Variants in CSGALNACT1 observed in about 807,000 individuals in gnomAD.
The protein encoded by CSGALNACT1 is chondroitin sulfate N-acetylgalactosaminyltransferase 1.
CSGALNACT1 carries 52 observed loss-of-function variants against 51.0 expected under a neutral mutation model. The observed-to-expected ratio is 1.02, with a 90% CI of 0.82 to 1.29. The LOEUF is 1.29. Ranked by LOEUF, CSGALNACT1 falls within the 50% of genes most tolerant of loss-of-function variation. CSGALNACT1 has a pLI of 0.00. For synonymous variants in CSGALNACT1, 341 were observed against 254.4 expected, an observed-to-expected ratio of 1.34 and a Z score of -3.24; for missense variants, 935 against 679.2, an observed-to-expected ratio of 1.38 and a Z score of -4.19.
intron 4 of CSGALNACT1, among the ~76,000 whole-genome samples, chr8:19,490,921 C>A (rs1463667027): frequency 1.3e-5 from 2 of 152,168 alleles, no homozygotes; most frequent in Non-Finnish European, 2.9e-5. Context: ...GGGACTGTTT[C>A]AATTACCCTA....
chr8:19,716,407 C>T (rs1398313743), intron 1 of CSGALNACT1, among the ~76,000 whole-genome samples: 1 of 151,976 alleles, frequency 6.6e-6, no homozygotes, highest in Non-Finnish European at 1.5e-5. Flanking sequence ...TTGTTCTATA[C>T]ATGGTTTATC....
intron 3 of CSGALNACT1, among the ~76,000 whole-genome samples, chr8:19,519,421 T>C (rs1419361995): frequency 6.6e-6 from 1 of 151,924 alleles, no homozygotes; most frequent in Non-Finnish European, 1.5e-5. Context: ...TTGCAAAAAG[T>C]AGACAGAGCT....
intron 1 of CSGALNACT1, among the ~76,000 whole-genome samples, chr8:19,713,574 T>C (rs954812161): frequency 1.5e-4 from 23 of 152,196 alleles, no homozygotes; most frequent in African/African-American, 5.5e-4. Context: ...ATGTGAATGG[T>C]ATCCTTATGA....
At chr8:19,546,312 A>T (rs980490489) in intron 3 of CSGALNACT1, among the ~76,000 whole-genome samples, 1 of 152,174 alleles carries the variant, frequency 6.6e-6, no homozygotes, top group Admixed American at 6.5e-5. Context: ...CTGTGCTTCA[A>T]TATTACGGCT....
At chr8:19,624,058 G>A (rs537806533) in intron 1 of CSGALNACT1, among the ~76,000 whole-genome samples, 9 of 152,274 alleles carry the variant, frequency 5.9e-5, no homozygotes, top group South Asian at 4.1e-4. Flanking sequence ...AGTAAATTAC[G>A]TGCTAAACCC....
chr8:19,438,550 C>A (rs1717295678), intron 6 of CSGALNACT1, among the ~76,000 whole-genome samples: 1 of 152,174 alleles, frequency 6.6e-6, no homozygotes, highest in South Asian at 2.1e-4. Flanking sequence ...CTCTTAAGCA[C>A]TCATTATTGC....
intron 4 of CSGALNACT1, among the ~76,000 whole-genome samples, chr8:19,469,139 T>C (rs145545308): frequency 6.8e-4 from 103 of 152,208 alleles, no homozygotes; most frequent in African/African-American, 2.4e-3. Context: ...CTTGTAATCC[T>C]AGCACTTTGG....
intron 1 of CSGALNACT1, among the ~76,000 whole-genome samples, chr8:19,654,061 C>G (rs2058057669): frequency 6.6e-6 from 1 of 152,184 alleles, no homozygotes; most frequent in Admixed American, 6.5e-5. Flanking sequence ...CTAAGGTGTG[C>G]CCACTGCATG....
chr8:19,610,212 C>A (rs1278041666), intron 1 of CSGALNACT1, among the ~76,000 whole-genome samples: 1 of 147,614 alleles, frequency 6.8e-6, no homozygotes, highest in African/African-American at 2.6e-5. Context: ...ATTGCTTGAA[C>A]CAAGGAGGCG....
chr8:19,473,988 T>G (rs1291590512), intron 4 of CSGALNACT1, among the ~76,000 whole-genome samples: 1 of 152,224 alleles, frequency 6.6e-6, no homozygotes, highest in African/African-American at 2.4e-5. Context: ...CCTATTAAAT[T>G]GAGGTCTGAG....
intron 8 of CSGALNACT1, among the ~76,000 whole-genome samples, chr8:19,409,525 A>G (rs1291758360): frequency 6.6e-6 from 1 of 152,116 alleles, no homozygotes; most frequent in Non-Finnish European, 1.5e-5. Flanking sequence ...AGAGAGAAAC[A>G]CACACACAAA....
intron 4 of CSGALNACT1, among the ~76,000 whole-genome samples, chr8:19,462,479 A>G (rs972703375): frequency 2.6e-5 from 4 of 152,220 alleles, no homozygotes; most frequent in South Asian, 2.1e-4. Context: ...ACATCTATTT[A>G]TGAAGAACCT....
intron 1 of CSGALNACT1, among the ~76,000 whole-genome samples, chr8:19,615,629 T>G (rs1012897453): frequency 1.8e-4 from 28 of 152,182 alleles, no homozygotes; most frequent in African/African-American, 6.5e-4. Flanking sequence ...ATTAGAACTA[T>G]GAAATGTGAT....
chr8:19,681,527 C>T (rs191313031), intron 1 of CSGALNACT1, among the ~76,000 whole-genome samples: 3 of 152,326 alleles, frequency 2.0e-5, no homozygotes, highest in South Asian at 4.1e-4. Context: ...CAAGACAAGT[C>T]TCCTGGGTCT....
At chr8:19,719,081 C>G (rs533367824) in intron 1 of CSGALNACT1, among the ~76,000 whole-genome samples, 2 of 152,150 alleles carry the variant, frequency 1.3e-5, no homozygotes, top group Non-Finnish European at 2.9e-5. Context: ...AAATTTGTAC[C>G]CTATTTCTAC....
chr8:19,668,914 GA>G (rs2059584162), intron 1 of CSGALNACT1, among the ~76,000 whole-genome samples: 1 of 152,164 alleles, frequency 6.6e-6, no homozygotes, highest in Admixed American at 6.5e-5. Context: ...CACCCTTCTT[GA>G]AATACTAGGA....
intron 3 of CSGALNACT1, among the ~76,000 whole-genome samples, chr8:19,562,325 T>C (rs141339069): frequency 2.9e-3 from 449 of 152,264 alleles, no homozygotes; most frequent in African/African-American, 9.0e-3. Context: ...CCCTTTTACA[T>C]AGAATAGTAA....
At chr8:19,653,185 C>T (rs986826709) in intron 1 of CSGALNACT1, among the ~76,000 whole-genome samples, 4 of 152,136 alleles carry the variant, frequency 2.6e-5, no homozygotes, top group Non-Finnish European at 5.9e-5. Flanking sequence ...TCTGTCCCCT[C>T]GATTTTGCTT....
intron 3 of CSGALNACT1, among the ~76,000 whole-genome samples, chr8:19,576,735 T>C (rs1187253812): frequency 6.6e-6 from 1 of 152,058 alleles, no homozygotes; most frequent in African/African-American, 2.4e-5. Context: ...CACCTGCTGA[T>C]TGCCCCATCA....
Sources: allele counts gnomAD v4.1 joint callset (sites outside exome capture counted in the v4.1 genomes callset), GRCh38; gene constraint gnomAD v4.1.1; transcripts MANE v1.5; gene names NCBI Gene and HGNC (gene_info 2026-07-23, HGNC 2026-07-21).